The following ACSF3 variants were observed in gnomAD, a reference collection of about 807,000 sequenced individuals.
ACSF3 encodes the protein acyl-CoA synthetase family member 3.
ACSF3 carries 78 observed loss-of-function variants against 53.2 expected under a neutral mutation model. The observed-to-expected ratio is 1.47, with a 90% CI of 1.22 to 1.77. The LOEUF (loss-of-function observed/expected upper bound fraction) is 1.77, where lower values mean the gene tolerates loss of function less well. Among genes scored for constraint, ACSF3 ranks in the 40% most tolerant of loss-of-function variants. The probability of loss-of-function intolerance (pLI) is 0.00; values close to 1 mark genes in which losing one functional copy is unlikely to be tolerated. For missense variants in ACSF3, 937 were observed against 771.1 expected (o/e 1.22, Z -2.55); for synonymous variants, 414 against 333.1 (o/e 1.24, Z -2.65).
In ACSF3 at chr16:89,143,226, C is replaced by T. The variant is rs201320475; in HGVS notation, c.1367-2041C>T. On this transcript the variant is annotated intron_variant, in intron 8 of 10. Coordinates refer to ENST00000614302, the MANE Select transcript of ACSF3 (RefSeq NM_001243279.3). ...CGTAGCTTTGGTGCAGTCTCAGCCC[C>T]GTGCGTAGCTGTGGTGCAGCCTCAG... Among the ~76,000 whole-genome samples the T allele has an allele frequency of 4.7e-4, 70 of 149,390 alleles. 1 individual carries two copies. In the East Asian group the frequency reaches 6.8e-3, roughly 14 times the overall value.
chr16:89,136,377 T>C (rs1476521520), intron 8 of ACSF3, among the ~76,000 whole-genome samples: 1 of 152,260 alleles, frequency 6.6e-6, no homozygotes, highest in Non-Finnish European at 1.5e-5. Flanking sequence ...GTATGTGTGT[T>C]TAATTGGCTC....
At chr16:89,118,220 C>T (rs1176423656) in intron 6 of ACSF3, among the ~76,000 whole-genome samples, 6 of 149,974 alleles carry the variant, frequency 4.0e-5, no homozygotes. Flanking sequence ...GCAGAGCATA[C>T]GGCAGTTTCC....
At chr16:89,122,341 C>A (rs1366510311) in intron 7 of ACSF3, 1 of 389,244 alleles carries the variant, frequency 2.6e-6, no homozygotes, top group South Asian at 1.8e-5. Flanking sequence ...GGTGGCTGCC[C>A]CTTGCTATAC....
At chr16:89,109,246 AAAAAG>A (rs71391287) in intron 4 of ACSF3, among the ~76,000 whole-genome samples, 1,576 of 102,282 alleles carry the variant, frequency 0.015, 25 homozygotes, top group South Asian at 0.04. Flanking sequence ...AAAAAAAAAA[AAAAAG>A]AAAAGAAAAG....
At chr16:89,120,774 C>T in intron 6 of ACSF3, 27 bp from the exon 7 acceptor site, 1 of 1,604,576 alleles carries the variant, frequency 6.2e-7, no homozygotes, top group Non-Finnish European at 8.5e-7. Context: ...CTCCAGCCTC[C>T]CCTTCAGTGT....
chr16:89,139,027 G>A (rs1567736186), intron 8 of ACSF3, among the ~76,000 whole-genome samples: 1 of 152,228 alleles, frequency 6.6e-6, no homozygotes, highest in South Asian at 2.1e-4. Flanking sequence ...GCCACCTCCA[G>A]GCTCCTTTTT....
At position 89,146,153 on chromosome 16, in the gene ACSF3, A is replaced by AGGGAT. The variant is rs1912917753; in HGVS notation, c.1613+105_1613+109dup. On this transcript the variant is annotated intron_variant, in intron 10 of 10. Coordinates refer to ENST00000614302, the MANE Select transcript of ACSF3 (RefSeq NM_001243279.3). ...ATCGTCCGTCTTAGAGGTGGAGATG[A>AGGGAT]GGGATCAAGAAAGACCAGCAGTGAG... 3 of 835,166 alleles carry AGGGAT rather than the reference A, an allele frequency of 3.6e-6. No individual in the cohort carries two copies. In the Admixed American group the frequency reaches 6.9e-5, roughly 19 times the overall value. 51.7% of individuals were successfully genotyped at this position (835,166 alleles called of 1,614,324 possible).
intron 6 of ACSF3, among the ~76,000 whole-genome samples, chr16:89,118,288 A>G (rs1462899637): frequency 6.7e-6 from 1 of 150,210 alleles, no homozygotes; most frequent in African/African-American, 2.4e-5. Context: ...CTGTGATTTT[A>G]TCCTTGCCTT....
At chr16:89,151,611 A>T (rs28420549) in intron 10 of ACSF3, 598 of 68,390 alleles carry the variant, frequency 8.7e-3, no homozygotes, top group Admixed American at 0.018. Flanking sequence ...TTCACCATAT[A>T]TTTTTTTTTT....
chr16:89,096,018 G>C (rs1974576163), intron 1 of ACSF3, among the ~76,000 whole-genome samples: 1 of 152,186 alleles, frequency 6.6e-6, no homozygotes, highest in African/African-American at 2.4e-5. Context: ...TTAGTGGTCT[G>C]ATCTCAGAAC....
intron 1 of ACSF3, among the ~76,000 whole-genome samples, chr16:89,096,821 G>A (rs1225702641): frequency 1.3e-5 from 2 of 152,152 alleles, no homozygotes; most frequent in African/African-American, 2.4e-5. Flanking sequence ...CCTCCTGCCC[G>A]TGGCCTCTCC....
intron 6 of ACSF3, among the ~76,000 whole-genome samples, chr16:89,117,919 G>GACACTCCCTCTTCTCTAAGGCAGAACCC (rs1266750777): frequency 6.6e-6 from 1 of 151,830 alleles, no homozygotes; most frequent in Non-Finnish European, 1.5e-5. Flanking sequence ...GGGTGCCGGG[G>GACACTCCCTCTTCTCTAAGGCAGAACCC]ATGCTCCCTC....
chr16:89,125,358 A>AG (rs1001526792), intron 7 of ACSF3, among the ~76,000 whole-genome samples: 1 of 150,676 alleles, frequency 6.6e-6, no homozygotes, highest in African/African-American at 2.4e-5. Flanking sequence ...AAAAAAAAAA[A>AG]AGAATTAGCT....
chr16:89,132,343 C>T (rs755549534), intron 7 of ACSF3, among the ~76,000 whole-genome samples: 1 of 152,210 alleles, frequency 6.6e-6, no homozygotes, highest in African/African-American at 2.4e-5. Context: ...CTTCTCTGCC[C>T]TCCCCAGACC....
chr16:89,147,263 G>A (rs1913179090), intron 10 of ACSF3, among the ~76,000 whole-genome samples: 1 of 89,860 alleles, frequency 1.1e-5, no homozygotes, highest in Non-Finnish European at 2.2e-5. Context: ...CACAGAGTGA[G>A]TGAGGGAGGA....
At position 89,101,135 on chromosome 16, in the gene ACSF3, T is replaced by C; in HGVS notation, c.454T>C (p.Tyr152His). 1 of 1,613,662 alleles carries C rather than the reference T, an allele frequency of 6.2e-7. No individual in the cohort carries two copies. The highest frequency in any genetic ancestry group is 8.5e-7 in the Non-Finnish European group (1 of 1,179,930). Residue 152 changes from tyrosine (Y) to histidine (H), a missense_variant, in exon 3 of 11, where the codon TAC becomes CAC. By Grantham distance (83) the Tyr-to-His change is moderately conservative (BLOSUM62 2). Transcript: ENST00000614302. ...CTCTGTGGTCCTTGCCAGCCAGGAG[T>C]ACCTGGAGCTCCTGAGCCCGGTGGT... ...QSSVVLASQE[Y>H]LELLSPVVRK...
At chr16:89,099,335 T>G (rs1008546647) in intron 2 of ACSF3, among the ~76,000 whole-genome samples, 18 of 152,226 alleles carry the variant, frequency 1.2e-4, no homozygotes, top group Non-Finnish European at 2.4e-4. Context: ...AATGAAGAAT[T>G]CCAGTGGACG....
intron 6 of ACSF3, among the ~76,000 whole-genome samples, chr16:89,120,029 C>T (rs1050056464): frequency 5.3e-5 from 8 of 152,228 alleles, no homozygotes; most frequent in South Asian, 2.1e-4. Context: ...CCCGTGCTGA[C>T]GCCACATCGC....
rs761751328 is a variant in ACSF3, at chr16:89,112,251, G to A, written c.977+5G>A. On this transcript the variant is annotated splice_donor_5th_base_variant and intron_variant, in intron 5 of 10. Coordinates refer to ENST00000614302, the MANE Select transcript of ACSF3 (RefSeq NM_001243279.3). ...AGTTTGTGAAGAAAAAATTAGGTAA[G>A]TGAAAAGAGCCCACTTTCTCGTTCA... 3.7e-6 allele frequency: 6 copies of A among 1,613,978 alleles called. No homozygotes were observed. The highest frequency in any genetic ancestry group is 1.7e-6 in the Non-Finnish European group (2 of 1,180,000).
Sources: allele counts gnomAD v4.1 joint callset (sites outside exome capture counted in the v4.1 genomes callset), GRCh38; gene constraint gnomAD v4.1.1; transcripts MANE v1.5; gene names NCBI Gene and HGNC (gene_info 2026-07-23, HGNC 2026-07-21).